Variants in RFLNA observed in about 807,000 individuals in gnomAD.
RFLNA encodes the protein refilin-A.
In RFLNA, 5 loss-of-function variants were observed where a neutral mutation model predicts 7.8. The observed-to-expected ratio is 0.64, with a 90% CI of 0.34 to 1.35. The LOEUF is 1.35. RFLNA is among the 40% of genes most tolerant of loss of function. The pLI is 0.04. For synonymous variants in RFLNA, 141 were observed against 131.3 expected, an observed-to-expected ratio of 1.07 and a Z score of -0.50; for missense variants, 278 against 305.5, an observed-to-expected ratio of 0.91 and a Z score of 0.67.
upstream of RFLNA, among the ~76,000 whole-genome samples, chr12:124,293,683 G>A (rs866019234): frequency 2.0e-5 from 3 of 152,140 alleles, no homozygotes; most frequent in Non-Finnish European, 2.9e-5. Flanking sequence ...TTTCCTGGGC[G>A]ACATGGAAAT....
chr12:124,294,999 G>A (rs1388455688), upstream of RFLNA, among the ~76,000 whole-genome samples: 2 of 152,030 alleles, frequency 1.3e-5, no homozygotes, highest in African/African-American at 2.4e-5. Context: ...CGGAGGCGCC[G>A]GGCCGGGGCT....
intron 1 of RFLNA, among the ~76,000 whole-genome samples, chr12:124,299,728 T>C (rs2033993166): frequency 6.6e-6 from 1 of 152,238 alleles, no homozygotes. Context: ...CGTATATATA[T>C]ACCACAGTTT....
chr12:124,295,586 G>T lies in RFLNA; in HGVS notation c.157G>T (p.Gly53Trp). 1 of 1,243,578 alleles carries T rather than the reference G, an allele frequency of 8.0e-7. No individual in the cohort carries two copies. The highest frequency in any genetic ancestry group is 1.0e-6 in the Non-Finnish European group (1 of 993,474). 77.0% of individuals were successfully genotyped at this position (1,243,578 alleles called of 1,614,324 possible). A position where few individuals can be genotyped will look rare whatever the true frequency, so the allele number is the denominator to read the frequency against. The change falls in exon 1 of 3, where the codon GGG (glycine) becomes TGG (tryptophan). Residue 53 changes from glycine to tryptophan, a missense_variant. Transcript: ENST00000546355. ...GCCCGGCATCCTCGACGCGCGCGCG[G>T]GGGGCGCCGGCGCCTCCTCGGAGCC... ...LAPGILDARA[G>W]GAGASSEPPG...
At chr12:124,297,949 A>G (rs1414075559) in intron 1 of RFLNA, among the ~76,000 whole-genome samples, 5 of 152,126 alleles carry the variant, frequency 3.3e-5, no homozygotes, top group Non-Finnish European at 7.3e-5. Context: ...AGGTGCAAAT[A>G]TCGGCACCCC....
At chr12:124,307,023 G>A (rs1420788857) in intron 1 of RFLNA, among the ~76,000 whole-genome samples, 1 of 152,212 alleles carries the variant, frequency 6.6e-6, no homozygotes, top group Non-Finnish European at 1.5e-5. Flanking sequence ...CCCCGTGGGA[G>A]CCAGCTATCC....
Position 124,314,361 on chromosome 12 carries a change from C to A in RFLNA, c.487C>A (p.Arg163Ser), listed in dbSNP as rs968218818. The change falls in exon 3 of 3, where the codon CGC (arginine) becomes AGC (serine). Residue 163 changes from arginine to serine, a missense_variant. Coordinates refer to ENST00000546355, the MANE Select transcript of RFLNA (RefSeq NM_001365156.1). Reference sequence around the variant, plus strand: ...CCTGGAGCCACGCCCGCGCGCCCTGCGCTTCCGCAGCACCACCATCATCTT... The same window carrying A: ...CCTGGAGCCACGCCCGCGCGCCCTGAGCTTCCGCAGCACCACCATCATCTT... ...LTLEPRPRAL[R>S]FRSTTIIFPK... 2 of 1,612,934 alleles carry A rather than the reference C, an allele frequency of 1.2e-6. No individual in the cohort carries two copies. The highest frequency in any genetic ancestry group is 1.3e-5 in the African/African-American group (1 of 74,936).
intron 2 of RFLNA, among the ~76,000 whole-genome samples, chr12:124,312,266 A>G (rs2034259090): frequency 6.6e-6 from 1 of 151,624 alleles, no homozygotes; most frequent in Non-Finnish European, 1.5e-5. Flanking sequence ...ATGGAAAATT[A>G]TGAACATAAC....
In RFLNA at chr12:124,315,950, C is replaced by G. The variant is rs2034342943; in HGVS notation, c.*1425C>G. The G allele has an allele frequency of 6.6e-6, 1 of 152,236 alleles. No homozygotes were observed. Among genetic ancestry groups the G allele is most frequent in the Non-Finnish European group, 1.5e-5 (1 of 68,046 alleles). 9.4% of individuals were successfully genotyped at this position (152,236 alleles called of 1,614,324 possible). ...CTACACAGAGAGTGCATTTTCTCTCCAGAGATGCTGTCTGGTTAACAAAGG... is the reference window on the plus strand; with the variant it reads ...CTACACAGAGAGTGCATTTTCTCTCGAGAGATGCTGTCTGGTTAACAAAGG... On this transcript the variant is annotated 3_prime_UTR_variant, in exon 3 of 3. Coordinates refer to ENST00000546355, the MANE Select transcript of RFLNA (RefSeq NM_001365156.1).
At chr12:124,302,039 C>A (rs898247467) in intron 1 of RFLNA, among the ~76,000 whole-genome samples, 1 of 152,204 alleles carries the variant, frequency 6.6e-6, no homozygotes, top group African/African-American at 2.4e-5. Flanking sequence ...CAGTCTCTGC[C>A]TCTGTCTTTA....
In RFLNA at chr12:124,304,204, T is replaced by C. The variant is rs534387988; in HGVS notation, c.208-7614T>C. Among the ~76,000 whole-genome samples, 1,275 of 152,316 alleles carry C rather than the reference T, an allele frequency of 8.4e-3. 15 individuals are homozygous for C. The highest frequency in any genetic ancestry group is 0.013 in the Non-Finnish European group (886 of 68,014). On this transcript the variant is annotated intron_variant, in intron 1 of 2. Transcript: ENST00000546355. ...AGCTGCGAGCCTCAGGATGAACTGG[T>C]GGCTGCCACCATCTTCCCTTGGTGT...
chr12:124,302,997 G>C (rs1316502824), intron 1 of RFLNA, among the ~76,000 whole-genome samples: 3 of 152,174 alleles, frequency 2.0e-5, no homozygotes, highest in African/African-American at 7.2e-5. Flanking sequence ...GGGGGGCTCT[G>C]GGTACCTCCT....
intron 1 of RFLNA, among the ~76,000 whole-genome samples, chr12:124,308,084 C>T (rs745849321): frequency 1.1e-4 from 16 of 151,578 alleles, no homozygotes; most frequent in Non-Finnish European, 1.8e-4. Context: ...TGGGTTTGAG[C>T]GATCCTCCTG....
chr12:124,292,737 C>A (rs1364863193), upstream of RFLNA, among the ~76,000 whole-genome samples: 2 of 152,180 alleles, frequency 1.3e-5, no homozygotes, highest in African/African-American at 4.8e-5. Context: ...TGGGCATAGT[C>A]ATGAAGGCAC....
chr12:124,290,805 C>G (rs1027334976), upstream of RFLNA, among the ~76,000 whole-genome samples: 2 of 152,224 alleles, frequency 1.3e-5, no homozygotes, highest in African/African-American at 4.8e-5. This position sits in a 1 kb window ranked among gnomAD's most constrained non-coding sequence, Gnocchi z 4.0. Flanking sequence ...AATCTTCATT[C>G]ACTACCTTTA....
At chr12:124,291,478 AACT>A (rs1394636940), upstream of RFLNA, among the ~76,000 whole-genome samples, 1 of 152,162 alleles carries the variant, frequency 6.6e-6, no homozygotes, top group Non-Finnish European at 1.5e-5. Flanking sequence ...GCTGGTCTCA[AACT>A]CCTGACCTCA....
In RFLNA at chr12:124,295,373, A is replaced by T; in HGVS notation, c.-57A>T. On this transcript the variant is annotated 5_prime_UTR_variant, in exon 1 of 3. Transcript: ENST00000546355. ...CGCCGCCGCCTGCCCCGGGCCCCGGAGCGCGGTGGAGAAGCCCCCGGAGGA... is the reference window on the plus strand; with the variant it reads ...CGCCGCCGCCTGCCCCGGGCCCCGGTGCGCGGTGGAGAAGCCCCCGGAGGA... 1 of 1,065,280 alleles carries T rather than the reference A, an allele frequency of 9.4e-7. No individual in the cohort carries two copies. The highest frequency in any genetic ancestry group is 1.2e-6 in the Non-Finnish European group (1 of 839,790). The allele number at this position is 1,065,280 out of a possible 1,614,324, so 66.0% of individuals were successfully genotyped here.
chr12:124,306,490 G>A lies in RFLNA; in HGVS notation c.208-5328G>A, dbSNP rs1258020104. Reference sequence around the variant, plus strand: ...GTCGGGGGAGCCTGGAGCTGAGGGGGCAGCGATGAGACAGGCCCCTGGGCA... The same window carrying A: ...GTCGGGGGAGCCTGGAGCTGAGGGGACAGCGATGAGACAGGCCCCTGGGCA... On this transcript the variant is annotated intron_variant, in intron 1 of 2. Transcript: ENST00000546355. This position sits in a 1 kb window ranked among gnomAD's most constrained non-coding sequence, Gnocchi z 5.2. Among the ~76,000 whole-genome samples, 2 of 152,102 alleles carry A rather than the reference G, an allele frequency of 1.3e-5. No individual in the cohort carries two copies. Among genetic ancestry groups the A allele is most frequent in the Non-Finnish European group, 2.9e-5 (2 of 68,022 alleles).
rs751042716 is a variant in RFLNA, at chr12:124,314,353, G to A, written c.479G>A (p.Arg160His). Residue 160 changes from arginine to histidine, a missense_variant, in exon 3 of 3, where the codon CGC becomes CAC. Transcript: ENST00000546355. ...RSQLTLEPRP[R>H]ALRFRSTTII... ...CAGCTGACCCTGGAGCCACGCCCGC[G>A]CGCCCTGCGCTTCCGCAGCACCACC... 3.2e-5 allele frequency: 52 copies of A among 1,613,130 alleles called. No homozygotes were observed. Among genetic ancestry groups the A allele is most frequent in the Admixed American group, 5.0e-5 (3 of 59,996 alleles).
intron 1 of RFLNA, among the ~76,000 whole-genome samples, chr12:124,309,970 ATC>A (rs2034209180): frequency 2.0e-5 from 3 of 152,036 alleles, no homozygotes. Flanking sequence ...GGAATTTGCG[ATC>A]AGCCTGGGCA....
Sources: gnomAD v4.1 joint callset for allele counts (sites outside exome capture counted in the v4.1 genomes callset) on GRCh38, gnomAD v4.1.1 for gene constraint, Gnocchi (gnomAD v3.1) non-coding constraint, MANE v1.5 for transcripts, NCBI Gene and HGNC (gene_info 2026-07-23, HGNC 2026-07-21) for gene names.